SP140L: variants seen among roughly 807,000 people sequenced by gnomAD.
The protein encoded by SP140L is nuclear body protein SP140-like protein.
Under a neutral mutation model 84.3 loss-of-function variants are expected in SP140L, and 64 were observed. The ratio of observed to expected loss-of-function variants is 0.76; its 90% CI spans 0.62 to 0.94. SP140L has a LOEUF of 0.94. Ranked by LOEUF, SP140L falls within the 40% of genes least tolerant of loss-of-function variation. The pLI is 0.00. For synonymous variants in SP140L, 242 were observed against 236.9 expected (o/e 1.02, Z -0.20); for missense variants, 628 against 692.5 (o/e 0.91, Z 1.05).
chr2:230,388,522 C>G (rs372257768), intron 9 of SP140L, 37 bp from the exon 10 acceptor site: 13 of 1,552,846 alleles, frequency 8.4e-6, no homozygotes, highest in Non-Finnish European at 1.1e-5. Flanking sequence ...CACAGCTGCT[C>G]ATTTGTAACT....
rs1222936174 is a variant in SP140L at position 230,401,172 on chromosome 2, A to G, written c.1422+109A>G. 50 of 646,946 alleles carry G rather than the reference A, an allele frequency of 7.7e-5. No individual in the cohort carries two copies. In the African/African-American group the frequency reaches 8.5e-4, roughly 11 times the overall value. 40.1% of individuals were successfully genotyped at this position (646,946 alleles called of 1,614,324 possible). A position where few individuals can be genotyped will look rare whatever the true frequency, so the allele number is the denominator to read the frequency against. On this transcript the variant is annotated intron_variant, in intron 16 of 18. Coordinates refer to ENST00000415673, the MANE Select transcript of SP140L (RefSeq NM_138402.6). Reference sequence around the variant, plus strand: ...TGAAAGGAGCCTGCTCTTCCGCGCCACACTTCAATGGCACTGATAGAACAC... The same window carrying G: ...TGAAAGGAGCCTGCTCTTCCGCGCCGCACTTCAATGGCACTGATAGAACAC...
intron 6 of SP140L, 72 bp from the exon 7 acceptor site, chr2:230,371,526 A>G (rs2061070322): frequency 7.7e-7 from 1 of 1,301,376 alleles, no homozygotes; most frequent in Admixed American, 2.2e-5. Context: ...CTTCTATAGT[A>G]TGAATTGTCC....
In SP140L at chr2:230,376,879, G is replaced by T. The variant is rs372259058; in HGVS notation, c.637+5228G>T. Among the ~76,000 whole-genome samples the T allele has an allele frequency of 1.1e-4, 16 of 152,132 alleles. No homozygotes were observed. In the East Asian group the frequency reaches 1.9e-3, roughly 18 times the overall value. The stretch of plus-strand genomic sequence containing the variant: ...GGCATAAAAACACACATAAACCAAT[G>T]GAATAGAATAGGGAACCCGGAAATA... On this transcript the variant is annotated intron_variant, in intron 7 of 18. Coordinates refer to ENST00000415673, the MANE Select transcript of SP140L (RefSeq NM_138402.6).
intron 13 of SP140L, among the ~76,000 whole-genome samples, chr2:230,396,497 A>T (rs1444291413): frequency 6.6e-6 from 1 of 152,218 alleles, no homozygotes; most frequent in African/African-American, 2.4e-5. Flanking sequence ...TCATGGAAAG[A>T]TGCTAATTAG....
At chr2:230,354,832 AC>A (rs1452205775) in intron 2 of SP140L, among the ~76,000 whole-genome samples, 3 of 113,472 alleles carry the variant, frequency 2.6e-5, no homozygotes, top group Admixed American at 1.1e-4. Flanking sequence ...AAAGAAAGAG[AC>A]AAGAAAGAAA....
chr2:230,403,074 A>AT lies in SP140L; in HGVS notation c.*179dup. 1.8e-6 allele frequency: 1 copy of AT among 554,442 alleles called. No individual in the cohort carries two copies. The highest frequency in any genetic ancestry group is 3.1e-6 in the Non-Finnish European group (1 of 317,464). The allele number at this position is 554,442 out of a possible 1,614,324, so 34.3% of individuals were successfully genotyped here. A position where few individuals can be genotyped will look rare whatever the true frequency, so the allele number is the denominator to read the frequency against. On this transcript the variant is annotated 3_prime_UTR_variant, in exon 19 of 19. Coordinates refer to ENST00000415673, the MANE Select transcript of SP140L (RefSeq NM_138402.6). ...ATCATCATGAATCCCATCCCCAAGA[A>AT]TCTCATCAACCAGGGAAGAGGAACT...
At chr2:230,331,896 C>A (rs2059734938) in intron 2 of SP140L, among the ~76,000 whole-genome samples, 2 of 152,092 alleles carry the variant, frequency 1.3e-5, no homozygotes, top group Non-Finnish European at 2.9e-5. Flanking sequence ...AAAATAGCAG[C>A]TTTGTCTGCT....
chr2:230,367,807 C>T, intron 5 of SP140L, among the ~76,000 whole-genome samples: 1 of 152,188 alleles, frequency 6.6e-6, no homozygotes, highest in Non-Finnish European at 1.5e-5. Context: ...TGGCACGTGC[C>T]TGTAACCCCA....
At chr2:230,367,035 T>C (rs1384595282) in intron 5 of SP140L, among the ~76,000 whole-genome samples, 1 of 152,016 alleles carries the variant, frequency 6.6e-6, no homozygotes, top group Non-Finnish European at 1.5e-5. Flanking sequence ...GCCTGCTTTG[T>C]AGATTCTTTA....
intron 4 of SP140L, among the ~76,000 whole-genome samples, chr2:230,360,923 T>C (rs970652690): frequency 1.3e-5 from 2 of 152,116 alleles, no homozygotes; most frequent in African/African-American, 4.8e-5. Context: ...TTTAAAGCTG[T>C]TTGGGTTTTC....
intron 7 of SP140L, among the ~76,000 whole-genome samples, chr2:230,376,221 C>T (rs1292927383): frequency 6.6e-6 from 1 of 152,084 alleles, no homozygotes; most frequent in Non-Finnish European, 1.5e-5. Flanking sequence ...CCCTTCTTGA[C>T]ATTTGTATTT....
chr2:230,366,650 G>A (rs990592072), intron 5 of SP140L, among the ~76,000 whole-genome samples: 5 of 150,182 alleles, frequency 3.3e-5, no homozygotes, highest in East Asian at 3.9e-4. Flanking sequence ...ATTATTGCTA[G>A]GCAAGTACCT....
At chr2:230,382,037 C>T (rs111773545) in intron 7 of SP140L, among the ~76,000 whole-genome samples, 2 of 152,132 alleles carry the variant, frequency 1.3e-5, no homozygotes, top group East Asian at 1.9e-4. Flanking sequence ...CAGTTCTGTT[C>T]GTTGTGTCCA....
intron 9 of SP140L, among the ~76,000 whole-genome samples, chr2:230,388,102 G>C (rs911610189): frequency 6.6e-6 from 1 of 152,056 alleles, no homozygotes; most frequent in Non-Finnish European, 1.5e-5. Context: ...TTGTAGTTTT[G>C]TCTCAATTTT....
intron 11 of SP140L, among the ~76,000 whole-genome samples, chr2:230,390,365 G>A (rs1418521860): frequency 1.3e-5 from 2 of 152,170 alleles, no homozygotes; most frequent in Non-Finnish European, 2.9e-5. Context: ...CCCTTCTGGA[G>A]TGCTGTCACC....
In SP140L at chr2:230,395,384, C is replaced by T. The variant is rs2062003364; in HGVS notation, c.1156-1373C>T. On this transcript the variant is annotated intron_variant, in intron 13 of 18. Coordinates refer to ENST00000415673, the MANE Select transcript of SP140L (RefSeq NM_138402.6). Reference sequence around the variant, plus strand: ...CTTGAGCTCAGGAATTTGAGACCAACCTGGACACATCGTGAGATATCATCT... The same window carrying T: ...CTTGAGCTCAGGAATTTGAGACCAATCTGGACACATCGTGAGATATCATCT... 2.6e-5 allele frequency among the ~76,000 whole-genome samples: 4 copies of T among 152,008 alleles called. 1 individual carries two copies. In the South Asian group the frequency reaches 6.2e-4, roughly 24 times the overall value.
intron 2 of SP140L, among the ~76,000 whole-genome samples, chr2:230,343,288 G>T (rs2060114707): frequency 6.8e-6 from 1 of 147,722 alleles, no homozygotes. Flanking sequence ...ATGTGTTCAT[G>T]TGTTCTCAAC....
intron 14 of SP140L, among the ~76,000 whole-genome samples, chr2:230,398,831 T>C (rs554022649): frequency 7.7e-4 from 118 of 152,284 alleles, no homozygotes; most frequent in Non-Finnish European, 1.1e-3. Context: ...CTGTGGAGGG[T>C]GGGCTGTCCC....
chr2:230,359,147 T>C lies in SP140L; in HGVS notation c.439+15T>C. On this transcript the variant is annotated intron_variant, in intron 4 of 18. Transcript: ENST00000415673. ...CTTCAAAAATGGTAATTAGGTTTAT[T>C]ATCTACCTTTTGATTTCCGGGGCCA... 1 of 1,601,282 alleles carries C rather than the reference T, an allele frequency of 6.2e-7. No individual in the cohort carries two copies.
Sources: gnomAD v4.1 joint callset for allele counts (sites outside exome capture counted in the v4.1 genomes callset) on GRCh38, gnomAD v4.1.1 for gene constraint, MANE v1.5 for transcripts, NCBI Gene and HGNC (gene_info 2026-07-23, HGNC 2026-07-21) for gene names.